The following SCMH1 variants were observed in gnomAD, a reference collection of about 807,000 sequenced individuals.
The protein encoded by SCMH1 is polycomb protein SCMH1.
Under a neutral mutation model 70.8 loss-of-function variants are expected in SCMH1, and 37 were observed. The ratio of observed to expected loss-of-function variants is 0.52; its 90% CI spans 0.40 to 0.69. The LOEUF is 0.69. SCMH1 is among the 30% of genes least tolerant of loss of function. SCMH1 has a pLI of 0.00. For synonymous variants in SCMH1, 292 were observed against 307.4 expected (o/e 0.95, Z 0.52); for missense variants, 607 against 827.3 (o/e 0.73, Z 3.27).
Position 41,117,550 on chromosome 1 carries a change from G to A in SCMH1, c.413-540C>T, listed in dbSNP as rs528826325. 2.0e-4 allele frequency among the ~76,000 whole-genome samples: 31 copies of A among 152,060 alleles called. 1 individual carries two copies. The highest frequency in any genetic ancestry group is 4.8e-4 in the African/African-American group (20 of 41,546). ...AAGACTCTACTCCTCCACCTCTTGC[G>A]GAGGGCCTGACGTCAGTCAGGCCCG... is the stretch of plus-strand genomic sequence containing the variant. On this transcript the variant is annotated intron_variant, in intron 6 of 14. Coordinates refer to ENST00000337495, the Ensembl canonical transcript of SCMH1.
intron 2 of SCMH1, among the ~76,000 whole-genome samples, chr1:41,182,874 G>A (rs930182363): frequency 3.9e-5 from 6 of 152,162 alleles, no homozygotes; most frequent in African/African-American, 1.4e-4. Flanking sequence ...AAACTACTCA[G>A]TGAATCAGGT....
chr1:41,056,554 A>T (rs1228646286), intron 10 of SCMH1, among the ~76,000 whole-genome samples: 2 of 152,188 alleles, frequency 1.3e-5, no homozygotes, highest in Non-Finnish European at 2.9e-5. Flanking sequence ...TTGCCACTCC[A>T]TCCTAACAAC....
chr1:41,200,142 T>C (rs1483920717), intron 1 of SCMH1, among the ~76,000 whole-genome samples: 2 of 152,198 alleles, frequency 1.3e-5, no homozygotes, highest in African/African-American at 2.4e-5. Context: ...TAGGTGTTTT[T>C]TACAACTGTA....
chr1:41,090,436 A>G (rs1663076367), intron 8 of SCMH1, among the ~76,000 whole-genome samples: 1 of 152,114 alleles, frequency 6.6e-6, no homozygotes, highest in Non-Finnish European at 1.5e-5. Context: ...TGAAGTTACA[A>G]AGAAACTCCA....
rs564803505 is a variant in SCMH1, at chr1:41,131,055, A to G, written c.412+11823T>C. ...TTTAGCTCTTACATTTAGGTCCATG[A>G]TCCACTTGAAATTAATTTTTGTATA... On this transcript the variant is annotated intron_variant, in intron 6 of 14. Coordinates refer to ENST00000337495, the Ensembl canonical transcript of SCMH1. Among the ~76,000 whole-genome samples, 10 of 152,218 alleles carry G rather than the reference A, an allele frequency of 6.6e-5. No individual in the cohort carries two copies. In the East Asian group the frequency reaches 1.7e-3, roughly 26 times the overall value.
At chr1:41,048,796 G>C (rs1571464400) in exon 11 of SCMH1, 1 of 1,614,184 alleles carries the variant, frequency 6.2e-7, no homozygotes, top group East Asian at 2.2e-5. Context: ...ACACCACAGA[G>C]GCACGGGCTG....
At chr1:41,121,536 A>T (rs1671946302) in intron 6 of SCMH1, among the ~76,000 whole-genome samples, 1 of 152,194 alleles carries the variant, frequency 6.6e-6, no homozygotes, top group Non-Finnish European at 1.5e-5. Flanking sequence ...AAGGAAAAGG[A>T]CAGGTGGGTA....
intron 8 of SCMH1, 87 bp from the exon 9 acceptor site, chr1:41,075,538 C>A: frequency 9.1e-7 from 1 of 1,104,372 alleles, no homozygotes; most frequent in Non-Finnish European, 1.3e-6. Context: ...GCCACTTCTG[C>A]TCAGGTAGTT....
intron 5 of SCMH1, among the ~76,000 whole-genome samples, chr1:41,148,060 C>T (rs931398949): frequency 1.2e-4 from 19 of 152,020 alleles, no homozygotes; most frequent in Admixed American, 3.3e-4. Flanking sequence ...GCTATTTTTT[C>T]CCATTATTCT....
chr1:41,053,969 C>T (rs1649267837), intron 10 of SCMH1, among the ~76,000 whole-genome samples: 2 of 152,004 alleles, frequency 1.3e-5, no homozygotes, highest in Non-Finnish European at 2.9e-5. Context: ...CTCAGCCTCT[C>T]GAGTAGCTGG....
chr1:41,124,455 G>A (rs1315342646), intron 6 of SCMH1, among the ~76,000 whole-genome samples: 1 of 152,098 alleles, frequency 6.6e-6, no homozygotes, highest in African/African-American at 2.4e-5. Context: ...TAGAATTCAT[G>A]TATAATAGTC....
At chr1:41,066,899 C>T (rs764487515) in intron 10 of SCMH1, among the ~76,000 whole-genome samples, 1 of 152,132 alleles carries the variant, frequency 6.6e-6, no homozygotes, top group Non-Finnish European at 1.5e-5. Flanking sequence ...CCTAGTCAGC[C>T]ATCTTGAAAC....
chr1:41,104,210 T>C (rs1667313574), intron 8 of SCMH1, among the ~76,000 whole-genome samples: 1 of 152,190 alleles, frequency 6.6e-6, no homozygotes, highest in African/African-American at 2.4e-5. Context: ...GACACTTGTC[T>C]ATAACCTCCA....
intron 2 of SCMH1, among the ~76,000 whole-genome samples, chr1:41,176,172 AAAAAAACC>A (rs1647108865): frequency 1.5e-5 from 2 of 130,156 alleles, no homozygotes; most frequent in African/African-American, 5.1e-5. Context: ...TTGTCTCAAA[AAAAAAACC>A]AAAAAAAACA....
At chr1:41,211,259 T>C (rs1286118531) in intron 1 of SCMH1, among the ~76,000 whole-genome samples, 1 of 152,134 alleles carries the variant, frequency 6.6e-6, no homozygotes, top group African/African-American at 2.4e-5. Context: ...ATTTCTGCAA[T>C]CCGTCCATCT....
In SCMH1 at chr1:41,143,178, T is replaced by G. The variant is rs1325243256; in HGVS notation, c.178-66A>C. ...AAAACCCCAAAATTCATGTTTTGGA[T>G]TCAGATTGGTTATAGCTGGGCCAGG... On this transcript the variant is annotated intron_variant, in intron 5 of 14. Transcript: ENST00000337495. 2.4e-6 allele frequency: 3 copies of G among 1,261,324 alleles called. No homozygotes were observed. The African/African-American group carries it at 4.4e-5, about 19-fold the overall frequency. 78.1% of individuals were successfully genotyped at this position (1,261,324 alleles called of 1,614,324 possible). A position where few individuals can be genotyped will look rare whatever the true frequency, so the allele number is the denominator to read the frequency against.
intron 9 of SCMH1, among the ~76,000 whole-genome samples, chr1:41,072,291 T>A (rs1042828250): frequency 6.6e-6 from 1 of 152,220 alleles, no homozygotes; most frequent in Admixed American, 6.5e-5. Context: ...TCAACTTCAA[T>A]GAGTTGGTGG....
At position 41,113,584 on chromosome 1, in the gene SCMH1, A is replaced by G. The variant is rs1669752197; in HGVS notation, c.502-58T>C. 5 of 1,548,190 alleles carry G rather than the reference A, an allele frequency of 3.2e-6. No individual in the cohort carries two copies. Among genetic ancestry groups the G allele is most frequent in the Non-Finnish European group, 4.4e-6 (5 of 1,149,172 alleles). ...CACAAAGAGAGGCCATTATGCCAATAGACTACTATCTAATTTGGATGATTA... is the reference window on the plus strand; with the variant it reads ...CACAAAGAGAGGCCATTATGCCAATGGACTACTATCTAATTTGGATGATTA... On this transcript the variant is annotated intron_variant, in intron 7 of 14. Coordinates refer to ENST00000337495, the Ensembl canonical transcript of SCMH1. This position sits in a 1 kb window ranked among gnomAD's most constrained non-coding sequence, Gnocchi z 4.3.
intron 1 of SCMH1, among the ~76,000 whole-genome samples, chr1:41,228,105 C>T (rs2148886048): frequency 6.6e-6 from 1 of 152,282 alleles, no homozygotes; most frequent in South Asian, 2.1e-4. Flanking sequence ...GAGGCAAGGA[C>T]TGGAGGGAAG....
Sources: gnomAD v4.1 joint callset for allele counts (sites outside exome capture counted in the v4.1 genomes callset) on GRCh38, gnomAD v4.1.1 for gene constraint, Gnocchi (gnomAD v3.1) non-coding constraint, MANE v1.5 for transcripts, NCBI Gene and HGNC (gene_info 2026-07-23, HGNC 2026-07-21) for gene names.